DKK2: variants seen among roughly 807,000 people sequenced by gnomAD.
The protein encoded by DKK2 is dickkopf Wnt signaling pathway inhibitor 2, also known as dickkopf-related protein 2.
A neutral mutation model predicts 28.1 loss-of-function variants in DKK2; 11 were observed. The observed-to-expected ratio is 0.39, with a 90% confidence interval of 0.25 to 0.65. The LOEUF (loss-of-function observed/expected upper bound fraction) is 0.65. DKK2 is among the 30% of genes least tolerant of loss of function. The pLI is 0.47. For missense variants in DKK2, 326 were observed against 335.5 expected (o/e 0.97, Z 0.22); for synonymous variants, 135 against 126.5 (o/e 1.07, Z -0.45).
At chr4:107,026,716 A>G (rs770607835) in intron 1 of DKK2, among the ~76,000 whole-genome samples, 28 of 140,610 alleles carry the variant, frequency 2.0e-4, no homozygotes, top group Admixed American at 3.0e-4. Context: ...TTTGATAACT[A>G]TGAGAAATCA....
chr4:107,011,462 G>T (rs1332667225), intron 1 of DKK2, among the ~76,000 whole-genome samples: 1 of 151,570 alleles, frequency 6.6e-6, no homozygotes, highest in Admixed American at 6.6e-5. Flanking sequence ...TATCTTGTTT[G>T]TCAGTCATTC....
intron 1 of DKK2, among the ~76,000 whole-genome samples, chr4:106,982,278 G>T (rs1311654053): frequency 2.0e-5 from 3 of 152,104 alleles, no homozygotes; most frequent in Non-Finnish European, 4.4e-5. Context: ...GTGTAAGAAG[G>T]AAGGAAAGAG....
intron 1 of DKK2, among the ~76,000 whole-genome samples, chr4:107,009,842 A>G (rs1278205757): frequency 1.3e-5 from 2 of 151,874 alleles, no homozygotes; most frequent in Non-Finnish European, 3.0e-5. Context: ...TCTTTGGCTA[A>G]CAGAGACTTT....
chr4:106,992,541 T>C (rs1305806595), intron 1 of DKK2, among the ~76,000 whole-genome samples: 2 of 152,220 alleles, frequency 1.3e-5, no homozygotes, highest in African/African-American at 2.4e-5. Flanking sequence ...ATAGGGATTG[T>C]ATATGAAAAT....
At chr4:106,987,698 A>C (rs1311887681) in intron 1 of DKK2, among the ~76,000 whole-genome samples, 2 of 151,574 alleles carry the variant, frequency 1.3e-5, no homozygotes. Context: ...GTTCTCTGAA[A>C]CCCTGGGGCT....
chr4:106,972,308 T>C (rs970690314), intron 1 of DKK2, among the ~76,000 whole-genome samples: 1 of 152,024 alleles, frequency 6.6e-6, no homozygotes, highest in Non-Finnish European at 1.5e-5. Context: ...TCTCGCTTCT[T>C]CATTTATTAC....
chr4:107,017,482 G>T lies in DKK2; in HGVS notation c.222+17888C>A, dbSNP rs1039903601. Among the ~76,000 whole-genome samples the T allele has an allele frequency of 5.9e-5, 9 of 151,952 alleles. 1 individual carries two copies. The highest frequency in any genetic ancestry group is 5.9e-4 in the Admixed American group (9 of 15,256). On this transcript the variant is annotated intron_variant, in intron 1 of 3. Coordinates refer to ENST00000285311, the MANE Select transcript of DKK2 (RefSeq NM_014421.3). ...GAGAGAGAATCAGAGACCAAGTAAC[G>T]ACACAATATAAAGCTCTAAACTGTG...
intron 1 of DKK2, among the ~76,000 whole-genome samples, chr4:106,991,205 T>G (rs901054302): frequency 2.6e-5 from 4 of 152,218 alleles, no homozygotes; most frequent in Non-Finnish European, 2.9e-5. Context: ...AGATAAAATG[T>G]TGCTCCAGTT....
chr4:106,978,730 C>T (rs991239707), intron 1 of DKK2, among the ~76,000 whole-genome samples: 33 of 152,112 alleles, frequency 2.2e-4, no homozygotes, highest in African/African-American at 7.9e-4. Flanking sequence ...GCTTCAGCCC[C>T]CTTTGCAGGG....
At chr4:106,971,773 G>C (rs529985245) in intron 1 of DKK2, among the ~76,000 whole-genome samples, 159 of 152,144 alleles carry the variant, frequency 1.0e-3, no homozygotes, top group African/African-American at 3.7e-3. Context: ...AAAAGCCATT[G>C]AAAGACTTAA....
chr4:106,958,759 C>A (rs558263278), intron 1 of DKK2, among the ~76,000 whole-genome samples: 107 of 151,070 alleles, frequency 7.1e-4, no homozygotes, highest in Non-Finnish European at 1.5e-3. Flanking sequence ...ATCGCCTGAA[C>A]CCCGAAGACA....
intron 1 of DKK2, among the ~76,000 whole-genome samples, chr4:106,972,805 A>G (rs1578363127): frequency 6.6e-6 from 1 of 152,130 alleles, no homozygotes; most frequent in East Asian, 1.9e-4. Flanking sequence ...TTTGTTACAT[A>G]GGTATGCATG....
At chr4:107,003,001 T>C (rs17037208) in intron 1 of DKK2, among the ~76,000 whole-genome samples, 3,503 of 152,308 alleles carry the variant, frequency 0.023, 150 homozygotes, top group African/African-American at 0.08. Context: ...TAATTCATGA[T>C]ACCTACTAAA....
intron 2 of DKK2, among the ~76,000 whole-genome samples, chr4:106,925,590 G>A (rs1193835131): frequency 6.6e-6 from 1 of 152,192 alleles, no homozygotes; most frequent in African/African-American, 2.4e-5. Context: ...TTCTAGATCA[G>A]TGTAGGTCAT....
chr4:107,032,130 G>A (rs1394126559), intron 1 of DKK2, among the ~76,000 whole-genome samples: 1 of 151,918 alleles, frequency 6.6e-6, no homozygotes, highest in Admixed American at 6.6e-5. Flanking sequence ...ATTAGCAATA[G>A]CTGCAAATGA....
At chr4:107,033,293 A>C (rs2110379088) in intron 1 of DKK2, among the ~76,000 whole-genome samples, 1 of 152,322 alleles carries the variant, frequency 6.6e-6, no homozygotes, top group East Asian at 1.9e-4. Flanking sequence ...ATGTTATGAA[A>C]GGCATATAAG....
chr4:106,975,756 C>G (rs1034652399), intron 1 of DKK2, among the ~76,000 whole-genome samples: 2 of 152,066 alleles, frequency 1.3e-5, no homozygotes, highest in African/African-American at 4.8e-5. Context: ...CCACTCGAAT[C>G]TTAGTTATTT....
intron 1 of DKK2, among the ~76,000 whole-genome samples, chr4:107,020,858 G>A (rs1023435429): frequency 1.3e-5 from 2 of 151,978 alleles, no homozygotes; most frequent in Non-Finnish European, 2.9e-5. Context: ...ATTGTACTGA[G>A]TATGATTTGT....
intron 1 of DKK2, among the ~76,000 whole-genome samples, chr4:106,981,442 T>A (rs1723025667): frequency 6.6e-6 from 1 of 152,202 alleles, no homozygotes; most frequent in Non-Finnish European, 1.5e-5. Flanking sequence ...TTGGAAACTA[T>A]GGTTGAGTAT....
Sources: gnomAD v4.1 joint callset for allele counts (sites outside exome capture counted in the v4.1 genomes callset) on GRCh38, gnomAD v4.1.1 for gene constraint, MANE v1.5 for transcripts, NCBI Gene and HGNC (gene_info 2026-07-23, HGNC 2026-07-21) for gene names.